The following PTP4A1 variants were observed in gnomAD, a reference collection of about 807,000 sequenced individuals.
PTP4A1 encodes protein tyrosine phosphatase type IVA 1.
PTP4A1 carries 9 observed loss-of-function variants against 20.5 expected under a neutral mutation model. The observed-to-expected ratio is 0.44, with a 90% CI of 0.26 to 0.77. PTP4A1 has a LOEUF of 0.77. Ranked by LOEUF, PTP4A1 falls within the 30% of genes least tolerant of loss-of-function variation. The pLI, the probability that PTP4A1 is intolerant of heterozygous loss-of-function variation, is 0.19. For missense variants in PTP4A1, 137 were observed against 218.8 expected, an observed-to-expected ratio of 0.63 and a Z score of 2.36; for synonymous variants, 78 against 67.4, an observed-to-expected ratio of 1.16 and a Z score of -0.77.
chr6:63,548,347 G>A (rs989997230), intron 2 of PTP4A1, among the ~76,000 whole-genome samples: 1 of 152,204 alleles, frequency 6.6e-6, no homozygotes. Flanking sequence ...TCATGGGTTT[G>A]TTGTGAGGAT....
rs182893570 is a variant in PTP4A1 at position 63,549,048 on chromosome 6, G to A, written c.-639-1252G>A. ...ATCCACGTCGTGTGCAATCACCACC[G>A]GCTGAGCTTTCTTATTCTCTAGCAA... On this transcript the variant is annotated intron_variant, in intron 2 of 3. Coordinates refer to the PTP4A1 transcript ENST00000639568. 5,578 of 723,634 alleles carry A rather than the reference G, an allele frequency of 7.7e-3. 82 individuals carry two copies. The highest frequency in any genetic ancestry group is 0.012 in the Non-Finnish European group (4,611 of 394,736). The allele number at this position is 723,634 out of a possible 1,614,324, so 44.8% of individuals were successfully genotyped here. A position where few individuals can be genotyped will look rare whatever the true frequency, so the allele number is the denominator to read the frequency against.
rs1186324232 is a variant in PTP4A1, at chr6:63,580,317, G to C, written c.*143G>C. Reference sequence around the variant, plus strand: ...GGCAGTTTTACCAGGCCTCAAGCTAGACAGATTTGGCAACCTCTGTATTTG... The same window carrying C: ...GGCAGTTTTACCAGGCCTCAAGCTACACAGATTTGGCAACCTCTGTATTTG... On this transcript the variant is annotated 3_prime_UTR_variant, in exon 6 of 6. Coordinates refer to ENST00000626021, the MANE Select transcript of PTP4A1 (RefSeq NM_003463.5). The C allele has an allele frequency of 4.4e-6, 3 of 677,546 alleles. No individual in the cohort carries two copies. The African/African-American group carries it at 5.4e-5, about 12-fold the overall frequency. 42.0% of individuals were successfully genotyped at this position (677,546 alleles called of 1,614,324 possible). A position where few individuals can be genotyped will look rare whatever the true frequency, so the allele number is the denominator to read the frequency against.
At chr6:63,538,469 A>G (rs776523943) in intron 2 of PTP4A1, among the ~76,000 whole-genome samples, 2 of 152,226 alleles carry the variant, frequency 1.3e-5, no homozygotes, top group Non-Finnish European at 2.9e-5. Flanking sequence ...AGATTAGTTT[A>G]ATTTGAATTC....
At chr6:63,525,400 C>T (rs1775116960) in intron 1 of PTP4A1, among the ~76,000 whole-genome samples, 1 of 152,164 alleles carries the variant, frequency 6.6e-6, no homozygotes, top group Non-Finnish European at 1.5e-5. Context: ...AGGTGGAACA[C>T]ACTCCTTCCC....
upstream of PTP4A1, chr6:63,572,475 A>C (rs959503123): frequency 2.6e-6 from 1 of 386,942 alleles, no homozygotes; most frequent in African/African-American, 2.1e-5. Context: ...TTGTGACGCA[A>C]GGGCGCCTCG....
At position 63,580,380 on chromosome 6, in the gene PTP4A1, T is replaced by A. The variant is rs1300005114; in HGVS notation, c.*206T>A. 2.0e-5 allele frequency: 10 copies of A among 501,010 alleles called. No homozygotes were observed. The highest frequency in any genetic ancestry group is 3.6e-5 in the Non-Finnish European group (10 of 278,238). 31.0% of individuals were successfully genotyped at this position (501,010 alleles called of 1,614,324 possible). On this transcript the variant is annotated 3_prime_UTR_variant, in exon 6 of 6. Transcript: ENST00000626021. ...CCTATTTGGATACTTGGCAAAAGATTCTTGCTGTCAGCATATAAAATGTGC... is the reference window on the plus strand; with the variant it reads ...CCTATTTGGATACTTGGCAAAAGATACTTGCTGTCAGCATATAAAATGTGC...
intron 2 of PTP4A1, among the ~76,000 whole-genome samples, chr6:63,528,864 G>A (rs1775310432): frequency 6.6e-6 from 1 of 151,934 alleles, no homozygotes; most frequent in Non-Finnish European, 1.5e-5. Flanking sequence ...CGAGGCCGGT[G>A]GATTACCTGA....
chr6:63,571,750 A>G (rs984321343), upstream of PTP4A1: 7 of 152,176 alleles, frequency 4.6e-5, no homozygotes, highest in African/African-American at 1.7e-4. Context: ...TAGTATAGAG[A>G]GGTGTGATCA....
At chr6:63,548,801 G>C (rs1314491774) in intron 2 of PTP4A1, 1 of 732,406 alleles carries the variant, frequency 1.4e-6, no homozygotes, top group Non-Finnish European at 2.5e-6. Context: ...TGCCTCCCCA[G>C]TGACGGCGGA....
intron 2 of PTP4A1, among the ~76,000 whole-genome samples, chr6:63,531,102 A>G (rs1297625352): frequency 2.6e-5 from 4 of 152,222 alleles, no homozygotes; most frequent in African/African-American, 7.2e-5. Context: ...TCAGGTTTCA[A>G]GCACAGTTCC....
chr6:63,528,467 A>G (rs1290776922), intron 2 of PTP4A1, among the ~76,000 whole-genome samples: 1 of 151,636 alleles, frequency 6.6e-6, no homozygotes, highest in Non-Finnish European at 1.5e-5. Context: ...GTTCATGCCT[A>G]TAATCCTAAT....
intron 2 of PTP4A1, among the ~76,000 whole-genome samples, chr6:63,532,423 C>A (rs1775512191): frequency 6.6e-6 from 1 of 152,140 alleles, no homozygotes; most frequent in Admixed American, 6.6e-5. Context: ...AGCCACAGGA[C>A]CTGCTCATGG....
rs1777880617 is a variant in PTP4A1, at chr6:63,576,590, C to A, written c.-291C>A. On this transcript the variant is annotated 5_prime_UTR_variant, in exon 2 of 6. Coordinates refer to ENST00000626021, the MANE Select transcript of PTP4A1 (RefSeq NM_003463.5). ...CCCCCATAAGAGTGGTTATCCTGGA[C>A]ACAGAAGTGTTGAATTGAAATCCAC... The A allele has an allele frequency of 4.3e-6, 2 of 469,500 alleles. No homozygotes were observed. Among genetic ancestry groups the A allele is most frequent in the African/African-American group, 4.1e-5 (2 of 49,334 alleles). The allele number at this position is 469,500 out of a possible 1,614,324, so 29.1% of individuals were successfully genotyped here. A position where few individuals can be genotyped will look rare whatever the true frequency, so the allele number is the denominator to read the frequency against.
At chr6:63,523,988 CTTTT>C (rs35779784) in intron 1 of PTP4A1, among the ~76,000 whole-genome samples, 1 of 148,768 alleles carries the variant, frequency 6.7e-6, no homozygotes, top group Admixed American at 6.7e-5. Context: ...TATCAATAGG[CTTTT>C]TTTTTTCTGG....
In PTP4A1 at chr6:63,534,452, AACACAC is replaced by A. The variant is rs61533550; in HGVS notation, c.-640+6397_-640+6402del. 2.8e-3 allele frequency among the ~76,000 whole-genome samples: 400 copies of A among 144,506 alleles called. 2 individuals carry two copies. The highest frequency in any genetic ancestry group is 8.7e-3 in the African/African-American group (340 of 39,220). The allele number at this position is 144,506 out of a possible 152,430, so 94.8% of individuals were successfully genotyped here. A position where few individuals can be genotyped will look rare whatever the true frequency, so the allele number is the denominator to read the frequency against. On this transcript the variant is annotated intron_variant, in intron 2 of 3. Transcript: ENST00000639568. The stretch of plus-strand genomic sequence containing the variant: ...GAAGCCATCACCACACACACAGAGA[AACACAC>A]ACACACACACACACACACACACACA...
chr6:63,534,452 AACAC>A lies in PTP4A1; in HGVS notation c.-640+6399_-640+6402del, dbSNP rs61533550. Reference sequence around the variant, plus strand: ...GAAGCCATCACCACACACACAGAGAAACACACACACACACACACACACACACACA... The same window carrying A: ...GAAGCCATCACCACACACACAGAGAAACACACACACACACACACACACACA... On this transcript the variant is annotated intron_variant, in intron 2 of 3. Coordinates refer to the PTP4A1 transcript ENST00000639568. Among the ~76,000 whole-genome samples the A allele has an allele frequency of 5.4e-3, 774 of 144,480 alleles. 6 individuals carry two copies. Among genetic ancestry groups the A allele is most frequent in the South Asian group, 0.037 (163 of 4,442 alleles). 94.8% of individuals were successfully genotyped at this position (144,480 alleles called of 152,430 possible). A position where few individuals can be genotyped will look rare whatever the true frequency, so the allele number is the denominator to read the frequency against.
chr6:63,523,956 AAATATTAAAAAGGTAGAATTGTAT>A (rs1775050725), intron 1 of PTP4A1, among the ~76,000 whole-genome samples: 1 of 152,180 alleles, frequency 6.6e-6, no homozygotes, highest in Admixed American at 6.6e-5. Flanking sequence ...GAAATAAATT[AAATATTAAAAAGGTAGAATTGTAT>A]CAATAGGCTT....
chr6:63,569,388 C>G (rs1777322352), upstream of PTP4A1, among the ~76,000 whole-genome samples: 1 of 152,208 alleles, frequency 6.6e-6, no homozygotes, highest in Admixed American at 6.5e-5. Flanking sequence ...TCCCAAGTAA[C>G]TGGGATTAGA....
chr6:63,519,086 G>A (rs369905092), upstream of PTP4A1, among the ~76,000 whole-genome samples: 13 of 152,234 alleles, frequency 8.5e-5, no homozygotes, highest in South Asian at 2.3e-3. Flanking sequence ...AGGCCAAGGC[G>A]GGCAGATCGC....
Sources: gnomAD v4.1 joint callset for allele counts (sites outside exome capture counted in the v4.1 genomes callset) on GRCh38, gnomAD v4.1.1 for gene constraint, MANE v1.5 for transcripts, NCBI Gene and HGNC (gene_info 2026-07-23, HGNC 2026-07-21) for gene names.